Variants in IQGAP1 observed in about 807,000 individuals in gnomAD.
IQGAP1 encodes the protein ras GTPase-activating-like protein IQGAP1.
Under a neutral mutation model 215.6 loss-of-function variants are expected in IQGAP1, and 66 were observed. The ratio of observed to expected loss-of-function variants is 0.31; its 90% CI spans 0.25 to 0.38. IQGAP1 has a LOEUF of 0.38. Among genes scored for constraint, IQGAP1 ranks in the 10% least tolerant of loss-of-function variants. The pLI, the probability that IQGAP1 is intolerant of heterozygous loss-of-function variation, is 1.00. For synonymous variants in IQGAP1, 772 were observed against 728.7 expected, an observed-to-expected ratio of 1.06 and a Z score of -0.96; for missense variants, 1,712 against 1,997.1, an observed-to-expected ratio of 0.86 and a Z score of 2.72.
chr15:90,449,189 AC>A (rs1427896307), intron 10 of IQGAP1, among the ~76,000 whole-genome samples: 1 of 152,008 alleles, frequency 6.6e-6, no homozygotes, highest in African/African-American at 2.4e-5. Flanking sequence ...TTTAGAACAA[AC>A]ATGAGGGGCT....
chr15:90,393,170 G>T (rs1334972748), intron 2 of IQGAP1, among the ~76,000 whole-genome samples: 1 of 100,644 alleles, frequency 9.9e-6, no homozygotes, highest in African/African-American at 5.9e-5. Flanking sequence ...GTAGGTCGGG[G>T]TGGGAGATCC....
intron 18 of IQGAP1, among the ~76,000 whole-genome samples, chr15:90,472,199 CA>C (rs1190412425): frequency 6.6e-6 from 1 of 152,156 alleles, no homozygotes; most frequent in Non-Finnish European, 1.5e-5. Context: ...TGCTTGAGCC[CA>C]GGAGTTTGAG....
At chr15:90,421,467 C>G (rs1023121140) in intron 2 of IQGAP1, among the ~76,000 whole-genome samples, 1 of 143,016 alleles carries the variant, frequency 7.0e-6, no homozygotes, top group African/African-American at 2.6e-5. Context: ...CAGAGCGAGA[C>G]TCCGTTTCAA....
intron 17 of IQGAP1, among the ~76,000 whole-genome samples, chr15:90,467,153 AAGAC>A (rs773369052): frequency 9.2e-5 from 14 of 152,326 alleles, no homozygotes; most frequent in East Asian, 7.7e-4. Context: ...CACATTTTTT[AAGAC>A]AGACAGGCCT....
intron 2 of IQGAP1, among the ~76,000 whole-genome samples, chr15:90,393,236 A>G (rs950870498): frequency 8.5e-5 from 13 of 152,174 alleles, no homozygotes; most frequent in Admixed American, 2.0e-4. Context: ...ACACCTGCAG[A>G]TATCAGAATC....
chr15:90,476,523 G>C, intron 23 of IQGAP1, 140 bp from the exon 24 acceptor site: 1 of 527,156 alleles, frequency 1.9e-6, no homozygotes, highest in Non-Finnish European at 3.3e-6. Context: ...ATAAAGTGTA[G>C]TGGTTTTTAA....
rs534560172 is a variant in IQGAP1 at position 90,408,992 on chromosome 15, G to A, written c.156-17118G>A. Among the ~76,000 whole-genome samples, 12 of 152,028 alleles carry A rather than the reference G, an allele frequency of 7.9e-5. 1 individual carries two copies. Among genetic ancestry groups the A allele is most frequent in the African/African-American group, 2.9e-4 (12 of 41,440 alleles). On this transcript the variant is annotated intron_variant, in intron 2 of 37. Transcript: ENST00000268182. ...CTTGACCTCTTTCCCTGTAGCAGTG[G>A]GAAAAACGTATTTTTCTCCTAACAC...
chr15:90,438,620 T>C (rs1439014172), intron 5 of IQGAP1, among the ~76,000 whole-genome samples: 1 of 152,226 alleles, frequency 6.6e-6, no homozygotes, highest in Non-Finnish European at 1.5e-5. Flanking sequence ...GCCATCTGAA[T>C]CATTTTTATG....
intron 5 of IQGAP1, 23 bp downstream of exon 5, chr15:90,433,818 A>G (rs1391883732): frequency 2.1e-6 from 3 of 1,422,300 alleles, no homozygotes; most frequent in Non-Finnish European, 2.9e-6. Context: ...TCTTGGCAAA[A>G]TAAGGAAATT....
intron 2 of IQGAP1, among the ~76,000 whole-genome samples, chr15:90,406,845 G>C (rs773551748): frequency 3.3e-5 from 5 of 152,208 alleles, no homozygotes; most frequent in African/African-American, 9.7e-5. Context: ...GGATAAGGGA[G>C]AGAAGTAGCG....
chr15:90,481,269 CTTTTTTTTTTTT>C (rs57452745), intron 26 of IQGAP1, among the ~76,000 whole-genome samples: 38 of 113,174 alleles, frequency 3.4e-4, no homozygotes, highest in Admixed American at 7.0e-4. Flanking sequence ...CTCTCTGCCT[CTTTTTTTTTTTT>C]TTTTTTTTTT....
chr15:90,487,977 CT>C (rs1338239322), intron 33 of IQGAP1, among the ~76,000 whole-genome samples: 1 of 152,130 alleles, frequency 6.6e-6, no homozygotes, highest in Admixed American at 6.5e-5. Flanking sequence ...AATCCCAGCA[CT>C]TTGGGAGGCT....
chr15:90,435,242 C>G (rs577703034), intron 5 of IQGAP1, among the ~76,000 whole-genome samples: 1 of 152,102 alleles, frequency 6.6e-6, no homozygotes, highest in Non-Finnish European at 1.5e-5. Context: ...TTTGGGAGAC[C>G]AAGGTGGGAG....
chr15:90,442,451 GA>G (rs60524564), intron 8 of IQGAP1, among the ~76,000 whole-genome samples: 54,220 of 149,468 alleles, frequency 0.36, 10,377 homozygotes, highest in East Asian at 0.67. Flanking sequence ...TCTCGGGGGG[GA>G]AAAAAAAAAC....
intron 25 of IQGAP1, 132 bp from the exon 26 acceptor site, chr15:90,477,533 A>G (rs548602660): frequency 1.8e-5 from 13 of 705,350 alleles, no homozygotes; most frequent in Middle Eastern, 3.3e-4. Context: ...GTGCAGCTGC[A>G]GGAACATTCT....
At chr15:90,437,315 C>G (rs1965383767) in intron 5 of IQGAP1, among the ~76,000 whole-genome samples, 1 of 152,208 alleles carries the variant, frequency 6.6e-6, no homozygotes, top group African/African-American at 2.4e-5. Flanking sequence ...TACAATTTGA[C>G]ATGAGATTTG....
chr15:90,416,373 A>G (rs1165580992), intron 2 of IQGAP1, among the ~76,000 whole-genome samples: 1 of 152,184 alleles, frequency 6.6e-6, no homozygotes, highest in Non-Finnish European at 1.5e-5. Context: ...ATACGTGCGC[A>G]TGTGTCTTTA....
chr15:90,485,606 A>G (rs917297181), intron 30 of IQGAP1, among the ~76,000 whole-genome samples: 1 of 151,952 alleles, frequency 6.6e-6, no homozygotes, highest in African/African-American at 2.4e-5. Context: ...CGCCCAGCTA[A>G]TTTTTGTATT....
At chr15:90,479,245 T>C (rs1367291934) in intron 26 of IQGAP1, among the ~76,000 whole-genome samples, 2 of 152,168 alleles carry the variant, frequency 1.3e-5, no homozygotes, top group South Asian at 4.1e-4. Context: ...CATAGCAAGA[T>C]TTTCTTAATG....
Sources: allele counts gnomAD v4.1 joint callset (sites outside exome capture counted in the v4.1 genomes callset), GRCh38; gene constraint gnomAD v4.1.1; transcripts MANE v1.5; gene names NCBI Gene and HGNC (gene_info 2026-07-23, HGNC 2026-07-21).